MAF: variants seen among roughly 807,000 people sequenced by gnomAD.
The protein encoded by MAF is transcription factor Maf.
In MAF, 10 loss-of-function variants were observed where a neutral mutation model predicts 22.0. That is an observed-to-expected ratio of 0.45 (90% CI 0.28 to 0.77). MAF has a LOEUF of 0.77. Among genes scored for constraint, MAF ranks in the 30% least tolerant of loss-of-function variants. MAF has a pLI of 0.12. For synonymous variants in MAF, 337 were observed against 255.8 expected (o/e 1.32, Z -3.03); for missense variants, 544 against 548.4 (o/e 0.99, Z 0.08).
the MAF span, among the ~76,000 whole-genome samples, chr16:79,507,260 C>T: frequency 1.3e-5 from 2 of 150,456 alleles, no homozygotes; most frequent in African/African-American, 4.9e-5. Context: ...ATTACAGGTG[C>T]CCACCACCAT....
the MAF span, among the ~76,000 whole-genome samples, chr16:79,293,582 T>C: frequency 1.3e-5 from 2 of 152,266 alleles, no homozygotes; most frequent in East Asian, 1.9e-4. Flanking sequence ...AGCTAGGAAA[T>C]TGCTCAGTGA....
the MAF span, among the ~76,000 whole-genome samples, chr16:79,564,529 G>C: frequency 1.3e-5 from 2 of 152,204 alleles, no homozygotes; most frequent in Middle Eastern, 3.4e-3. Context: ...ACTTCCACTG[G>C]GCACATCCTG....
downstream of MAF, among the ~76,000 whole-genome samples, chr16:79,582,213 T>G (rs983131291): frequency 5.3e-5 from 8 of 152,118 alleles, no homozygotes; most frequent in Admixed American, 4.6e-4. Flanking sequence ...AATTTTTGGA[T>G]GGAGGAAATA....
At chr16:79,265,676 G>C in the MAF span, among the ~76,000 whole-genome samples, 1 of 152,154 alleles carries the variant, frequency 6.6e-6, no homozygotes, top group Non-Finnish European at 1.5e-5. Context: ...CACAAACAGA[G>C]GATTCACTGT....
the MAF span, among the ~76,000 whole-genome samples, chr16:79,459,466 C>G: frequency 2.6e-5 from 4 of 152,162 alleles, no homozygotes; most frequent in Admixed American, 2.6e-4. Context: ...ATCTAGTCCT[C>G]TATCAGTACC....
chr16:79,448,328 C>G, the MAF span, among the ~76,000 whole-genome samples: 1 of 151,940 alleles, frequency 6.6e-6, no homozygotes, highest in Non-Finnish European at 1.5e-5. Context: ...GCAAGACCCT[C>G]CATCCCAAAA....
the MAF span, among the ~76,000 whole-genome samples, chr16:79,344,328 A>G: frequency 1.3e-5 from 2 of 152,368 alleles, no homozygotes; most frequent in East Asian, 1.9e-4. Context: ...AGTCACTGAC[A>G]TTCTTCAAGA....
the MAF span, among the ~76,000 whole-genome samples, chr16:79,511,246 CA>C: frequency 0.021 from 3,011 of 146,524 alleles, 89 homozygotes; most frequent in African/African-American, 0.067. Context: ...GTTTCCTTTT[CA>C]AAAAAAAAGA....
the MAF span, among the ~76,000 whole-genome samples, chr16:79,491,311 C>T: frequency 6.6e-6 from 1 of 152,160 alleles, no homozygotes; most frequent in Non-Finnish European, 1.5e-5. Flanking sequence ...TAGTAGCTGC[C>T]TCATGAAATT....
chr16:79,242,270 T>C, the MAF span, among the ~76,000 whole-genome samples: 1,135 of 151,006 alleles, frequency 7.5e-3, 21 homozygotes, highest in Non-Finnish European at 0.011. Context: ...TCAAGACCCA[T>C]AGGTGTGTGG....
At chr16:79,516,478 T>G in the MAF span, among the ~76,000 whole-genome samples, 4 of 152,182 alleles carry the variant, frequency 2.6e-5, no homozygotes, top group African/African-American at 9.7e-5. Context: ...TCAGAGAGGA[T>G]GAATGAGGCT....
the MAF span, among the ~76,000 whole-genome samples, chr16:79,543,318 A>G: frequency 6.6e-6 from 1 of 152,214 alleles, no homozygotes; most frequent in African/African-American, 2.4e-5. Flanking sequence ...CTGGGGATCA[A>G]TCCCGGTCAG....
At chr16:79,596,463 G>A in intron 1 of MAF, 1 of 1,051,698 alleles carries the variant, frequency 9.5e-7, no homozygotes, top group South Asian at 4.6e-5. Context: ...TGTACACTAA[G>A]AAACTGAGTA....
chr16:79,469,891 G>A, the MAF span, among the ~76,000 whole-genome samples: 2 of 152,168 alleles, frequency 1.3e-5, no homozygotes, highest in Admixed American at 1.3e-4. Flanking sequence ...CACCGCGCCT[G>A]GCCTACAGGG....
chr16:79,547,644 C>T, the MAF span, among the ~76,000 whole-genome samples: 1 of 152,020 alleles, frequency 6.6e-6, no homozygotes, highest in Non-Finnish European at 1.5e-5. Context: ...TTGATGTAAC[C>T]CAATTCACTG....
the MAF span, among the ~76,000 whole-genome samples, chr16:79,559,140 G>A: frequency 2.0e-5 from 3 of 152,112 alleles, no homozygotes; most frequent in Admixed American, 6.5e-5. Context: ...CACTGGCCGT[G>A]GTTTGGGCGG....
At chr16:79,274,801 T>C in the MAF span, among the ~76,000 whole-genome samples, 1 of 152,204 alleles carries the variant, frequency 6.6e-6, no homozygotes, top group African/African-American at 2.4e-5. Flanking sequence ...CATCATTCTA[T>C]GGTGAGGGGC....
the MAF span, among the ~76,000 whole-genome samples, chr16:79,257,195 T>TA: frequency 2.6e-5 from 4 of 151,278 alleles, no homozygotes; most frequent in Non-Finnish European, 4.4e-5. Flanking sequence ...AAATAAAAAT[T>TA]AAAAAAAAGA....
At chr16:79,229,025 C>T in the MAF span, among the ~76,000 whole-genome samples, 1 of 151,822 alleles carries the variant, frequency 6.6e-6, no homozygotes, top group African/African-American at 2.4e-5. Context: ...GCAAAAGATA[C>T]AGCACAGTAG....
Sources: gnomAD v4.1 joint callset for allele counts (sites outside exome capture counted in the v4.1 genomes callset) on GRCh38, gnomAD v4.1.1 for gene constraint, MANE v1.5 for transcripts, NCBI Gene and HGNC (gene_info 2026-07-23, HGNC 2026-07-21) for gene names.